Variants in PREP observed in about 807,000 individuals in gnomAD.
The protein encoded by PREP is prolyl endopeptidase.
Under a neutral mutation model 87.6 loss-of-function variants are expected in PREP, and 29 were observed. That is an observed-to-expected ratio of 0.33 (90% confidence interval 0.25 to 0.45). The LOEUF (loss-of-function observed/expected upper bound fraction) is 0.45, where lower values mean the gene tolerates loss of function less well. Ranked by LOEUF, PREP falls within the 20% of genes least tolerant of loss-of-function variation. The pLI is 1.00. For missense variants in PREP, 695 were observed against 886.5 expected (o/e 0.78, Z 2.74); for synonymous variants, 337 against 328.6 (o/e 1.03, Z -0.28).
intron 2 of PREP, among the ~76,000 whole-genome samples, chr6:105,391,606 G>T (rs1310624899): frequency 6.6e-6 from 1 of 152,196 alleles, no homozygotes; most frequent in East Asian, 1.9e-4. Context: ...GATGTTACTG[G>T]GAGTAGTACA....
At chr6:105,375,498 T>C (rs907906449) in intron 4 of PREP, among the ~76,000 whole-genome samples, 3 of 152,226 alleles carry the variant, frequency 2.0e-5, no homozygotes, top group African/African-American at 4.8e-5. Context: ...ATCTTCTCTA[T>C]GGCCTACGGA....
chr6:105,316,331 G>C (rs150221744), intron 10 of PREP, among the ~76,000 whole-genome samples: 1 of 152,184 alleles, frequency 6.6e-6, no homozygotes, highest in East Asian at 1.9e-4. Context: ...TATAGCTGAC[G>C]GATGGAGCAG....
intron 10 of PREP, among the ~76,000 whole-genome samples, chr6:105,316,390 C>T (rs546499972): frequency 3.3e-4 from 51 of 152,296 alleles, no homozygotes; most frequent in Non-Finnish European, 5.0e-4. Context: ...CTTCTATGAG[C>T]GCATTTGTGA....
rs780007558 is a variant in PREP, at chr6:105,402,830, G to A, written c.45+17C>T. 6.5e-7 allele frequency: 1 copy of A among 1,540,276 alleles called. No homozygotes were observed. Among genetic ancestry groups the A allele is most frequent in the Non-Finnish European group, 8.8e-7 (1 of 1,141,164 alleles). ...CCTTTGCCCGGGAGCCCTCTGGGCG[G>A]AGGCAGAGATACTTACGGCGGTCTC... On this transcript the variant is annotated intron_variant, in intron 1 of 14. Coordinates refer to ENST00000652536, the MANE Select transcript of PREP (RefSeq NM_002726.5).
chr6:105,402,477 T>G (rs1773462395), intron 1 of PREP, among the ~76,000 whole-genome samples: 1 of 149,924 alleles, frequency 6.7e-6, no homozygotes, highest in Non-Finnish European at 1.5e-5. Context: ...AGCGGACACT[T>G]TCTCCTACCA....
chr6:105,347,160 G>C (rs2114676795), intron 7 of PREP, among the ~76,000 whole-genome samples: 1 of 152,260 alleles, frequency 6.6e-6, no homozygotes, highest in East Asian at 1.9e-4. Context: ...GAACCAAAGA[G>C]AAAAGAAAAT....
chr6:105,293,783 C>A (rs1315278274), intron 10 of PREP, among the ~76,000 whole-genome samples: 7 of 152,134 alleles, frequency 4.6e-5, no homozygotes, highest in Non-Finnish European at 8.8e-5. Flanking sequence ...CCTAAACCTC[C>A]CTCTTCAATA....
At chr6:105,362,131 G>A (rs1772264544) in intron 6 of PREP, among the ~76,000 whole-genome samples, 1 of 152,200 alleles carries the variant, frequency 6.6e-6, no homozygotes, top group African/African-American at 2.4e-5. Flanking sequence ...TTCTAAGTTA[G>A]CTGGTTGTCT....
intron 10 of PREP, among the ~76,000 whole-genome samples, chr6:105,311,806 TGAAGGCAAG>T (rs557849631): frequency 1.8e-3 from 268 of 152,332 alleles, no homozygotes; most frequent in African/African-American, 6.1e-3. Context: ...GAATTTCTGA[TGAAGGCAAG>T]GAAAGGCAGC....
chr6:105,352,680 C>G (rs1384543684), intron 7 of PREP, among the ~76,000 whole-genome samples: 1 of 152,078 alleles, frequency 6.6e-6, no homozygotes, highest in African/African-American at 2.4e-5. Flanking sequence ...AGTTACAGAC[C>G]AAAAGGATCA....
At chr6:105,299,437 A>ACAAAATCTCTAT (rs1770485032) in intron 10 of PREP, among the ~76,000 whole-genome samples, 1 of 152,218 alleles carries the variant, frequency 6.6e-6, no homozygotes, top group Non-Finnish European at 1.5e-5. Context: ...CATCTCTACT[A>ACAAAATCTCTAT]AAAATACAAA....
chr6:105,359,548 T>C (rs1374715284), intron 6 of PREP, among the ~76,000 whole-genome samples: 2 of 152,180 alleles, frequency 1.3e-5, no homozygotes, highest in East Asian at 3.9e-4. Context: ...TTCTCAAGTG[T>C]ATATCTCACT....
chr6:105,354,011 G>A (rs1278749769), intron 6 of PREP, among the ~76,000 whole-genome samples: 1 of 152,020 alleles, frequency 6.6e-6, no homozygotes, highest in Admixed American at 6.6e-5. Flanking sequence ...TACAAACAAT[G>A]TATTATTGTT....
chr6:105,391,478 T>C (rs1773145284), intron 2 of PREP, among the ~76,000 whole-genome samples: 1 of 152,180 alleles, frequency 6.6e-6, no homozygotes, highest in Non-Finnish European at 1.5e-5. Context: ...CATCTTGGCC[T>C]CCCAAAGTGC....
chr6:105,361,849 A>G lies in PREP; in HGVS notation c.717+7054T>C, dbSNP rs192319448. Among the ~76,000 whole-genome samples the G allele has an allele frequency of 2.2e-4, 34 of 152,312 alleles. No individual in the cohort carries two copies. The East Asian group carries it at 6.4e-3, about 29-fold the overall frequency. On this transcript the variant is annotated intron_variant, in intron 6 of 14. Transcript: ENST00000652536. ...TATGAAACTCATTTATGGATTTGTA[A>G]TAAAAATAAGGGGCAATGCCAGTAA... is the stretch of plus-strand genomic sequence containing the variant.
intron 7 of PREP, among the ~76,000 whole-genome samples, chr6:105,350,193 T>C (rs1421884226): frequency 6.6e-6 from 1 of 152,166 alleles, no homozygotes; most frequent in Admixed American, 6.5e-5. Flanking sequence ...ATTCTAAATA[T>C]TCCTCTTTCA....
intron 10 of PREP, among the ~76,000 whole-genome samples, chr6:105,303,898 C>T (rs1345469539): frequency 6.6e-6 from 1 of 152,160 alleles, no homozygotes; most frequent in East Asian, 1.9e-4. Context: ...ACAGAGTTTT[C>T]TTTAGTTCAT....
chr6:105,366,967 T>C (rs1772402476), intron 6 of PREP, among the ~76,000 whole-genome samples: 1 of 152,172 alleles, frequency 6.6e-6, no homozygotes. Flanking sequence ...AGAGTTATTG[T>C]TCACAGGGTG....
intron 6 of PREP, among the ~76,000 whole-genome samples, chr6:105,358,900 C>T (rs1181279715): frequency 6.6e-6 from 1 of 152,196 alleles, no homozygotes; most frequent in Non-Finnish European, 1.5e-5. Flanking sequence ...AAAGAGTCAA[C>T]TACCACAGGC....
Sources: allele counts gnomAD v4.1 joint callset (sites outside exome capture counted in the v4.1 genomes callset), GRCh38; gene constraint gnomAD v4.1.1; transcripts MANE v1.5; gene names NCBI Gene and HGNC (gene_info 2026-07-23, HGNC 2026-07-21).